TTC21B: variants seen among roughly 807,000 people sequenced by gnomAD.
The protein encoded by TTC21B is tetratricopeptide repeat protein 21B.
TTC21B carries 127 observed loss-of-function variants against 175.1 expected under a neutral mutation model. That is an observed-to-expected ratio of 0.73 (90% CI 0.63 to 0.84). TTC21B has a LOEUF of 0.84. TTC21B is among the 40% of genes least tolerant of loss of function. TTC21B has a pLI of 0.00. For synonymous variants in TTC21B, 524 were observed against 524.5 expected (o/e 1.00, Z 0.01); for missense variants, 1,561 against 1,558.3 (o/e 1.00, Z -0.03).
At chr2:165,892,945 C>T (rs928143385) in intron 22 of TTC21B, among the ~76,000 whole-genome samples, 33 of 152,154 alleles carry the variant, frequency 2.2e-4, no homozygotes, top group Non-Finnish European at 8.8e-5. Context: ...TACTTAATTA[C>T]AGGATGTCAA....
At position 165,941,145 on chromosome 2, in the gene TTC21B, G is replaced by A. The variant is rs1320998801; in HGVS notation, c.592C>T (p.Leu198=). 6.2e-7 allele frequency: 1 copy of A among 1,613,750 alleles called. No homozygotes were observed. The highest frequency in any genetic ancestry group is 1.7e-5 in the Admixed American group (1 of 59,962). ...LEMRQNYSGA[L]ETVNQIIVNF... The stretch of plus-strand genomic sequence containing the variant: ...ACGATTATCTGGTTCACAGTCTCCA[G>A]GGCACCTGAATAATTCTGGCGCATC... The change falls in exon 6 of 29, where the codon CTG becomes TTG. Residue 198 remains leucine, a synonymous_variant. Transcript: ENST00000243344.
chr2:165,883,789 C>A lies in TTC21B; in HGVS notation c.3684+5G>T. 1.2e-6 allele frequency: 2 copies of A among 1,608,858 alleles called. No homozygotes were observed. Among genetic ancestry groups the A allele is most frequent in the Non-Finnish European group, 1.7e-6 (2 of 1,175,284 alleles). Reference sequence around the variant, plus strand: ...ATAATTATTTTTTACTCTTCAATCACCTACTCTATTATGACGCAGGCACCG... The same window carrying A: ...ATAATTATTTTTTACTCTTCAATCAACTACTCTATTATGACGCAGGCACCG... On this transcript the variant is annotated splice_donor_5th_base_variant and intron_variant, in intron 26 of 28. Coordinates refer to ENST00000243344, the MANE Select transcript of TTC21B (RefSeq NM_024753.5).
chr2:165,915,144 G>A lies in TTC21B; in HGVS notation c.2138+57C>T, dbSNP rs560767378. 2.7e-4 allele frequency: 383 copies of A among 1,422,922 alleles called. 3 individuals carry two copies. The Middle Eastern group carries it at 3.2e-3, about 12-fold the overall frequency. The allele number at this position is 1,422,922 out of a possible 1,614,324, so 88.1% of individuals were successfully genotyped here. A position where few individuals can be genotyped will look rare whatever the true frequency, so the allele number is the denominator to read the frequency against. On this transcript the variant is annotated intron_variant, in intron 15 of 28. Coordinates refer to ENST00000243344, the MANE Select transcript of TTC21B (RefSeq NM_024753.5). ...TGAAAGAAAGTTAAAAAAAAATTGG[G>A]AATTAATACTAGTGGCTAAATGTAT...
chr2:165,914,655 ATCTGTGTGTGTGTGTG>A (rs1686078078), intron 15 of TTC21B, among the ~76,000 whole-genome samples: 2 of 75,682 alleles, frequency 2.6e-5, no homozygotes, highest in Admixed American at 1.5e-4. Context: ...AGGAAGAGCA[ATCTGTGTGTGTGTGTG>A]TGTGTGTGTG....
At chr2:165,909,227 T>C (rs1385178240) in intron 18 of TTC21B, among the ~76,000 whole-genome samples, 1 of 152,098 alleles carries the variant, frequency 6.6e-6, no homozygotes, top group Non-Finnish European at 1.5e-5. Flanking sequence ...GTAAAACTTG[T>C]ATGTGGAATA....
rs1686836865 is a variant in TTC21B, at chr2:165,930,228, A to G, written c.1031T>C (p.Leu344Pro). 3.1e-6 allele frequency: 5 copies of G among 1,613,292 alleles called. No homozygotes were observed. The highest frequency in any genetic ancestry group is 4.2e-6 in the Non-Finnish European group (5 of 1,179,532). Residue 344 changes from leucine to proline, a missense_variant, in exon 9 of 29, where the codon CTG (leucine) becomes CCG (proline). Physicochemically the swap from Leu to Pro is moderately conservative, Grantham distance 98. Transcript: ENST00000243344. ...TGTCATGGCGGTCTTATACCACTTC[A>G]GTGCCTCTTTAACTCTTCCTTGTAA... Reference protein sequence around the residue: ...MILQGRVKEALKWYKTAMTLD... With the variant: ...MILQGRVKEAPKWYKTAMTLD...
At chr2:165,886,257 C>G (rs958869236) in intron 25 of TTC21B, among the ~76,000 whole-genome samples, 1 of 152,172 alleles carries the variant, frequency 6.6e-6, no homozygotes, top group African/African-American at 2.4e-5. Context: ...AAAAGGGTCT[C>G]CCAACTCTCC....
Position 165,924,537 on chromosome 2 carries a change from G to T in TTC21B, c.1516+12C>A. The T allele has an allele frequency of 6.2e-7, 1 of 1,611,528 alleles. No individual in the cohort carries two copies. Among genetic ancestry groups the T allele is most frequent in the South Asian group, 1.1e-5 (1 of 90,884 alleles). ...GAATAAAAAGGTTAAAAGTTTTTAA[G>T]GTATACTCTACCTGACAAATATTTC... On this transcript the variant is annotated intron_variant, in intron 12 of 28. Transcript: ENST00000243344.
At chr2:165,901,215 T>C (rs1271649706) in intron 20 of TTC21B, among the ~76,000 whole-genome samples, 1 of 152,110 alleles carries the variant, frequency 6.6e-6, no homozygotes, top group Non-Finnish European at 1.5e-5. Flanking sequence ...AACTCTAATA[T>C]TCTTAATGTA....
chr2:165,897,166 C>T (rs1481896863), intron 22 of TTC21B, among the ~76,000 whole-genome samples: 3 of 152,150 alleles, frequency 2.0e-5, no homozygotes, highest in Non-Finnish European at 4.4e-5. Flanking sequence ...AACTAAAAAC[C>T]GTGATTTTTA....
At chr2:165,939,331 C>T (rs2105357943) in intron 6 of TTC21B, among the ~76,000 whole-genome samples, 1 of 152,268 alleles carries the variant, frequency 6.6e-6, no homozygotes, top group Admixed American at 6.5e-5. Flanking sequence ...TCTCAAGATT[C>T]TAAGACTATA....
At chr2:165,921,788 CT>C (rs569807955) in intron 12 of TTC21B, among the ~76,000 whole-genome samples, 2,936 of 128,982 alleles carry the variant, frequency 0.023, 40 homozygotes, top group Middle Eastern at 0.032. Flanking sequence ...GCTGCTCTTC[CT>C]TTTTTTTTTT....
At chr2:165,906,622 G>C (rs758028253) in intron 19 of TTC21B, among the ~76,000 whole-genome samples, 24 of 151,982 alleles carry the variant, frequency 1.6e-4, no homozygotes, top group Non-Finnish European at 3.1e-4. Context: ...GAGGTCTCAA[G>C]GCCTGCAACA....
intron 15 of TTC21B, among the ~76,000 whole-genome samples, chr2:165,914,057 G>A (rs1325652920): frequency 3.3e-5 from 5 of 152,240 alleles, no homozygotes; most frequent in South Asian, 4.1e-4. Context: ...ATTATATGCT[G>A]AAATAAATTA....
intron 22 of TTC21B, among the ~76,000 whole-genome samples, chr2:165,894,353 G>A (rs1190139729): frequency 6.6e-6 from 1 of 152,108 alleles, no homozygotes; most frequent in African/African-American, 2.4e-5. Flanking sequence ...GTACATTTCT[G>A]AAATAAGCTA....
chr2:165,932,856 A>T, intron 7 of TTC21B, 117 bp downstream of exon 7: 1 of 892,752 alleles, frequency 1.1e-6, no homozygotes, highest in Non-Finnish European at 1.8e-6. Flanking sequence ...ACCATGATGT[A>T]TATTTTAAAA....
intron 25 of TTC21B, among the ~76,000 whole-genome samples, chr2:165,885,351 GT>G (rs1684970103): frequency 6.6e-6 from 1 of 152,056 alleles, no homozygotes; most frequent in South Asian, 2.1e-4. Context: ...ATACATCAGG[GT>G]TTTATAAAAA....
Position 165,947,169 on chromosome 2 carries a change from C to CATATATATATATATATAT in TTC21B, c.263-1497_263-1480dup, listed in dbSNP as rs59806477. ...CTCTCTCTCTCTCTCTCCCCTCCCC[C>CATATATATATATATATAT]ATATATATATATATATATATATATT... On this transcript the variant is annotated intron_variant, in intron 3 of 28. Transcript: ENST00000243344. 5.3e-3 allele frequency: 489 copies of CATATATATATATATATAT among 91,632 alleles called. 28 individuals are homozygous for CATATATATATATATATAT. The highest frequency in any genetic ancestry group is 0.017 in the South Asian group (41 of 2,476). 5.7% of individuals were successfully genotyped at this position (91,632 alleles called of 1,614,324 possible). A position where few individuals can be genotyped will look rare whatever the true frequency, so the allele number is the denominator to read the frequency against.
intron 22 of TTC21B, 58 bp from the exon 23 acceptor site, chr2:165,891,046 T>C: frequency 1.4e-6 from 2 of 1,410,312 alleles, no homozygotes; most frequent in Non-Finnish European, 2.0e-6. Flanking sequence ...CTTTTGTTGG[T>C]TATAATTCTA....
Sources: allele counts gnomAD v4.1 joint callset (sites outside exome capture counted in the v4.1 genomes callset), GRCh38; gene constraint gnomAD v4.1.1; transcripts MANE v1.5; gene names NCBI Gene and HGNC (gene_info 2026-07-23, HGNC 2026-07-21).